The following GAPVD1 variants were observed in gnomAD, a reference collection of about 807,000 sequenced individuals.
The protein encoded by GAPVD1 is GTPase-activating protein and VPS9 domain-containing protein 1.
Under a neutral mutation model 155.5 loss-of-function variants are expected in GAPVD1, and 35 were observed. The observed-to-expected ratio is 0.23, with a 90% CI of 0.17 to 0.30. The LOEUF (loss-of-function observed/expected upper bound fraction) is 0.30. Ranked by LOEUF, GAPVD1 falls within the 10% of genes least tolerant of loss-of-function variation. The pLI, the probability that GAPVD1 is intolerant of heterozygous loss-of-function variation, is 1.00. For missense variants in GAPVD1, 1,429 were observed against 1,775.7 expected, an observed-to-expected ratio of 0.80 and a Z score of 3.51; for synonymous variants, 636 against 619.7, an observed-to-expected ratio of 1.03 and a Z score of -0.39.
intron 2 of GAPVD1, among the ~76,000 whole-genome samples, chr9:125,274,354 GA>G (rs770370821): frequency 2.3e-4 from 34 of 150,918 alleles, no homozygotes; most frequent in African/African-American, 8.0e-4. Flanking sequence ...AAAAACAATG[GA>G]AAAAAAATGA....
At chr9:125,270,244 C>T (rs560819851) in intron 2 of GAPVD1, among the ~76,000 whole-genome samples, 1 of 151,808 alleles carries the variant, frequency 6.6e-6, no homozygotes, top group African/African-American at 2.4e-5. Context: ...GCCTGGCCAA[C>T]ATGGAGAAAC....
chr9:125,293,870 A>ATATATT (rs1839259439), intron 2 of GAPVD1, among the ~76,000 whole-genome samples: 1 of 21,026 alleles, frequency 4.8e-5, no homozygotes, highest in Non-Finnish European at 8.4e-5. Flanking sequence ...ATATATATAT[A>ATATATT]TATATATATA....
intron 27 of GAPVD1, among the ~76,000 whole-genome samples, chr9:125,361,718 A>C (rs1850946088): frequency 6.6e-6 from 1 of 152,162 alleles, no homozygotes; most frequent in African/African-American, 2.4e-5. Flanking sequence ...TTGTAATTGT[A>C]GTATAAAAGT....
At chr9:125,293,600 C>T (rs1838951089) in intron 2 of GAPVD1, among the ~76,000 whole-genome samples, 1 of 50,092 alleles carries the variant, frequency 2.0e-5, no homozygotes, top group Non-Finnish European at 4.2e-5. Context: ...CAGGCAGCTG[C>T]CACCATGCCC....
At chr9:125,336,895 TGCC>T in intron 15 of GAPVD1, 120 bp from the exon 16 acceptor site, 1 of 603,032 alleles carries the variant, frequency 1.7e-6, no homozygotes. Context: ...TTTTCTGGTA[TGCC>T]TCTCAAGTTC....
chr9:125,308,186 CTATG>C (rs1842140036), intron 8 of GAPVD1: 1 of 435,526 alleles, frequency 2.3e-6, no homozygotes, highest in Non-Finnish European at 4.1e-6. Flanking sequence ...ATCTTTAAAA[CTATG>C]TAGCCCTCAG....
In GAPVD1 at chr9:125,336,969, C is replaced by T. The variant is rs373280381; in HGVS notation, c.2429-49C>T. ...AAAACCCTTTAAACTGTGTTGAGAC[C>T]GTCTGTCCTGCGTCCTGGCTTGGTC... On this transcript the variant is annotated intron_variant, in intron 15 of 27. Coordinates refer to ENST00000297933, the MANE Select transcript of GAPVD1 (RefSeq NM_001282680.3). The T allele has an allele frequency of 6.5e-5, 68 of 1,039,276 alleles. 1 individual carries two copies. Among genetic ancestry groups the T allele is most frequent in the South Asian group, 2.4e-4 (19 of 78,404 alleles). 64.4% of individuals were successfully genotyped at this position (1,039,276 alleles called of 1,614,324 possible). A position where few individuals can be genotyped will look rare whatever the true frequency, so the allele number is the denominator to read the frequency against.
In GAPVD1 at chr9:125,337,597, G is replaced by C; in HGVS notation, c.2877+6G>C. 1 of 1,599,686 alleles carries C rather than the reference G, an allele frequency of 6.3e-7. No homozygotes were observed. Among genetic ancestry groups the C allele is most frequent in the Middle Eastern group, 1.7e-4 (1 of 5,994 alleles). ...AGGACTCCTCAAGAGGAGAGGTATG[G>C]GACATAGGCCGTGAAAAAGAATTAT... On this transcript the variant is annotated splice_donor_region_variant and intron_variant, in intron 17 of 27. Coordinates refer to ENST00000297933, the MANE Select transcript of GAPVD1 (RefSeq NM_001282680.3).
At chr9:125,271,010 A>T (rs780106365) in intron 2 of GAPVD1, among the ~76,000 whole-genome samples, 7 of 149,546 alleles carry the variant, frequency 4.7e-5, no homozygotes, top group African/African-American at 7.3e-5. Flanking sequence ...GTTTCTATAA[A>T]TTTTTTTTTT....
At chr9:125,293,824 TAA>T (rs1158357367) in intron 2 of GAPVD1, among the ~76,000 whole-genome samples, 22 of 118,394 alleles carry the variant, frequency 1.9e-4, no homozygotes, top group African/African-American at 7.1e-4. Context: ...ATATGAAATA[TAA>T]AAAAATATAT....
At chr9:125,350,453 C>A in intron 22 of GAPVD1, 49 bp downstream of exon 22, 1 of 1,191,042 alleles carries the variant, frequency 8.4e-7, no homozygotes, top group Non-Finnish European at 1.3e-6. Flanking sequence ...ATGGGTTGCA[C>A]CATATGAAAT....
chr9:125,341,230 G>T lies in GAPVD1; in HGVS notation c.2931G>T (p.Trp977Cys). The T allele has an allele frequency of 1.3e-6, 2 of 1,599,382 alleles. No individual in the cohort carries two copies. The highest frequency in any genetic ancestry group is 1.7e-6 in the Non-Finnish European group (2 of 1,169,140). ...AGAAATCAGACAGGAACAGACCTTG[G>T]TGGAGAAAACGTTTTGTTTCAGCCA... ...DDEKSDRNRPWWRKRFVSAMP... is the reference protein window; with the variant it reads ...DDEKSDRNRPCWRKRFVSAMP... The change falls in exon 18 of 28, where the codon TGG becomes TGT. Residue 977 changes from tryptophan to cysteine, a missense_variant. This residue lies in a region of GAPVD1 where 699 missense variants were observed against 826.0 expected (regional missense o/e 0.85). Transcript: ENST00000297933.
intron 2 of GAPVD1, among the ~76,000 whole-genome samples, chr9:125,286,487 T>A (rs1837728329): frequency 6.6e-6 from 1 of 152,022 alleles, no homozygotes; most frequent in South Asian, 2.1e-4. Flanking sequence ...TTTTTTTTTT[T>A]ACTACAGAGA....
At chr9:125,275,005 G>A (rs1216941581) in intron 2 of GAPVD1, among the ~76,000 whole-genome samples, 8 of 152,020 alleles carry the variant, frequency 5.3e-5, no homozygotes, top group African/African-American at 1.7e-4. Flanking sequence ...TGCTCTTTTC[G>A]CTTAATGATG....
chr9:125,302,275 G>C lies in GAPVD1; in HGVS notation c.478G>C (p.Glu160Gln), dbSNP rs1390471836. 6.2e-7 allele frequency: 1 copy of C among 1,614,040 alleles called. No homozygotes were observed. Among genetic ancestry groups the C allele is most frequent in the Non-Finnish European group, 8.5e-7 (1 of 1,179,978 alleles). Residue 160 changes from glutamate (E) to glutamine (Q), a missense_variant, in exon 5 of 28, where the codon GAA becomes CAA. Around this residue, in one of 4 missense-constraint regions of GAPVD1, gnomAD observed 628 missense variants for 733.4 expected, o/e 0.86. Transcript: ENST00000297933. ...GGTTTTGCGATACTTGATTGAATTTGAACTTAAAGAAAGTGACAACCCTAG... is the reference window on the plus strand; with the variant it reads ...GGTTTTGCGATACTTGATTGAATTTCAACTTAAAGAAAGTGACAACCCTAG... ...LQVLRYLIEF[E>Q]LKESDNPRRL... is the part of the protein sequence containing the mutation.
Position 125,298,958 on chromosome 9 carries a change from C to T in GAPVD1, c.37C>T (p.Leu13Phe). The T allele has an allele frequency of 6.2e-7, 1 of 1,612,042 alleles. No individual in the cohort carries two copies. The highest frequency in any genetic ancestry group is 8.5e-7 in the Non-Finnish European group (1 of 1,178,938). The part of the protein sequence containing the change: ...KLDIHTLAHH[L>F]KQERLYVNSE... ...AGATATTCATACTCTGGCTCATCAC[C>T]TCAAGCAGGAACGCTTATATGTAAA... Residue 13 changes from leucine (L) to phenylalanine (F), a missense_variant, in exon 4 of 28, where the codon CTC becomes TTC. Physicochemically the swap from Leu to Phe is conservative, Grantham distance 22. This residue lies in a region of GAPVD1 where 628 missense variants were observed against 733.4 expected (regional missense o/e 0.86). Transcript: ENST00000297933.
chr9:125,340,611 C>G (rs1284689017), intron 17 of GAPVD1, among the ~76,000 whole-genome samples: 1 of 152,126 alleles, frequency 6.6e-6, no homozygotes, highest in African/African-American at 2.4e-5. Context: ...ATTAATACTA[C>G]TGCTACCATC....
intron 2 of GAPVD1, among the ~76,000 whole-genome samples, chr9:125,280,696 C>T (rs1564278622): frequency 6.6e-6 from 1 of 151,732 alleles, no homozygotes; most frequent in Non-Finnish European, 1.5e-5. Flanking sequence ...CCACCTCAGC[C>T]TCTCGAGTGA....
intron 9 of GAPVD1, among the ~76,000 whole-genome samples, chr9:125,317,807 C>G (rs1045230339): frequency 6.6e-6 from 1 of 151,188 alleles, no homozygotes; most frequent in South Asian, 2.1e-4. Flanking sequence ...TAGAAGATAT[C>G]AATAAAGGGG....
Sources: allele counts gnomAD v4.1 joint callset (sites outside exome capture counted in the v4.1 genomes callset), GRCh38; gene constraint gnomAD v4.1.1; regional missense constraint gnomAD v4.1.1; transcripts MANE v1.5; gene names NCBI Gene and HGNC (gene_info 2026-07-23, HGNC 2026-07-21).